The following FHOD3 variants were observed in gnomAD, a reference collection of about 807,000 sequenced individuals.
FHOD3 encodes the protein formin homology 2 domain containing 3.
FHOD3 carries 90 observed loss-of-function variants against 173.0 expected under a neutral mutation model. The ratio of observed to expected loss-of-function variants is 0.52; its 90% confidence interval spans 0.44 to 0.62. FHOD3 has a LOEUF of 0.62. Among genes scored for constraint, FHOD3 ranks in the 20% least tolerant of loss-of-function variants. The pLI is 0.00. For synonymous variants in FHOD3, 828 were observed against 823.0 expected, an observed-to-expected ratio of 1.01 and a Z score of -0.10; for missense variants, 1,945 against 2,034.7, an observed-to-expected ratio of 0.96 and a Z score of 0.85.
intron 5 of FHOD3, among the ~76,000 whole-genome samples, chr18:36,526,724 AT>A (rs1333616550): frequency 1.3e-5 from 2 of 152,228 alleles, no homozygotes; most frequent in Non-Finnish European, 2.9e-5. Context: ...TTTCTAAAAA[AT>A]AGAATCAGCT....
intron 10 of FHOD3, 111 bp downstream of exon 10, chr18:36,625,860 A>G (rs1599931949): frequency 1.1e-6 from 1 of 873,148 alleles, no homozygotes; most frequent in East Asian, 2.9e-5. Flanking sequence ...CCCACCCAGC[A>G]TTGCTCCCTA....
At chr18:36,389,695 A>G (rs2048203127) in intron 3 of FHOD3, among the ~76,000 whole-genome samples, 1 of 152,302 alleles carries the variant, frequency 6.6e-6, no homozygotes, top group East Asian at 1.9e-4. Flanking sequence ...AGGTGGGTGC[A>G]TCTCAAGGGA....
chr18:36,695,295 C>G (rs1275561246), intron 17 of FHOD3, among the ~76,000 whole-genome samples: 1 of 151,202 alleles, frequency 6.6e-6, no homozygotes, highest in Non-Finnish European at 1.5e-5. Flanking sequence ...TTGCAGTGAG[C>G]CAAGATTGTG....
At chr18:36,648,006 G>GA in intron 10 of FHOD3, among the ~76,000 whole-genome samples, 1 of 152,272 alleles carries the variant, frequency 6.6e-6, no homozygotes, top group Non-Finnish European at 1.5e-5. Flanking sequence ...GGTTAAAAAG[G>GA]AAAAAACAGC....
chr18:36,769,788 T>C (rs1201391197), intron 28 of FHOD3, among the ~76,000 whole-genome samples: 1 of 152,134 alleles, frequency 6.6e-6, no homozygotes, highest in Non-Finnish European at 1.5e-5. Flanking sequence ...TGCTGGAGGC[T>C]GTGTTTCTGC....
chr18:36,519,924 T>G, intron 5 of FHOD3, among the ~76,000 whole-genome samples: 1 of 152,060 alleles, frequency 6.6e-6, no homozygotes, highest in East Asian at 1.9e-4. Context: ...TCTGGGTAAC[T>G]TTAGTTTATG....
chr18:36,541,277 G>C (rs375371440), intron 5 of FHOD3, among the ~76,000 whole-genome samples: 68 of 140,556 alleles, frequency 4.8e-4, no homozygotes, highest in Non-Finnish European at 2.5e-4. Flanking sequence ...AAAAAAGAAA[G>C]AAAAAAGAAA....
chr18:36,490,060 A>G (rs1288738481), intron 3 of FHOD3, among the ~76,000 whole-genome samples: 3 of 152,228 alleles, frequency 2.0e-5, no homozygotes, highest in Non-Finnish European at 4.4e-5. Flanking sequence ...TTAGAGGAAC[A>G]GCATCACGGT....
chr18:36,642,878 G>T (rs1320816292), intron 10 of FHOD3, among the ~76,000 whole-genome samples: 1 of 151,220 alleles, frequency 6.6e-6, no homozygotes, highest in Non-Finnish European at 1.5e-5. Context: ...GTTTTATTGT[G>T]GGGGTTTTTT....
intron 14 of FHOD3, among the ~76,000 whole-genome samples, chr18:36,661,019 CAT>C (rs1213018911): frequency 2.0e-5 from 3 of 152,056 alleles, no homozygotes; most frequent in Non-Finnish European, 2.9e-5. Context: ...TCTGAAAAAA[CAT>C]ATGATGAATC....
At chr18:36,687,243 T>TAGCTG in intron 16 of FHOD3, 65 bp downstream of exon 16, 1 of 1,190,468 alleles carries the variant, frequency 8.4e-7, no homozygotes, top group African/African-American at 1.5e-5. Context: ...TAACCTAGCA[T>TAGCTG]GCAGAGAGAC....
intron 7 of FHOD3, among the ~76,000 whole-genome samples, chr18:36,596,957 G>C (rs975249686): frequency 1.3e-5 from 2 of 152,222 alleles, no homozygotes; most frequent in African/African-American, 4.8e-5. Context: ...TGTTTTGGCA[G>C]CTGGTAGGCA....
intron 1 of FHOD3, among the ~76,000 whole-genome samples, chr18:36,339,199 T>C (rs969327148): frequency 6.6e-6 from 1 of 152,166 alleles, no homozygotes; most frequent in African/African-American, 2.4e-5. Context: ...CTTTGAATGC[T>C]CCCAGGAGGT....
rs760692797 is a variant in FHOD3, at chr18:36,511,357, G to GTT, written c.406-1071_406-1070dup. On this transcript the variant is annotated intron_variant, in intron 4 of 28. Coordinates refer to ENST00000590592, the MANE Select transcript of FHOD3 (RefSeq NM_001281740.3). The stretch of plus-strand genomic sequence containing the variant: ...TGGCTAGTTAAATGATCTTGCCAAT[G>GTT]TTTTTTTTTTTCTTTTCTTTTCTTT... Among the ~76,000 whole-genome samples the GTT allele has an allele frequency of 2.0e-3, 283 of 143,550 alleles. 8 individuals carry two copies. Among genetic ancestry groups the GTT allele is most frequent in the Middle Eastern group, 0.011 (3 of 278 alleles). The allele number at this position is 143,550 out of a possible 152,430, so 94.2% of individuals were successfully genotyped here.
chr18:36,572,988 A>C (rs2058506347), intron 5 of FHOD3, among the ~76,000 whole-genome samples: 2 of 152,040 alleles, frequency 1.3e-5, no homozygotes, highest in South Asian at 4.2e-4. Context: ...ATGGGAAAAA[A>C]TAGGGCAGAA....
intron 20 of FHOD3, among the ~76,000 whole-genome samples, chr18:36,731,013 A>C (rs2041330978): frequency 6.6e-6 from 1 of 152,144 alleles, no homozygotes. Flanking sequence ...ACTCAGGTTC[A>C]TTTACCAGTC....
At chr18:36,493,706 A>G (rs1456247826) in intron 3 of FHOD3, among the ~76,000 whole-genome samples, 4 of 152,202 alleles carry the variant, frequency 2.6e-5, no homozygotes, top group Non-Finnish European at 4.4e-5. Flanking sequence ...CTGAAAAACC[A>G]TGATGGTTGT....
chr18:36,468,718 G>A (rs956186017), intron 3 of FHOD3, among the ~76,000 whole-genome samples: 1 of 152,168 alleles, frequency 6.6e-6, no homozygotes, highest in Admixed American at 6.5e-5. Flanking sequence ...GCAGAGCTCA[G>A]TCCAACCCCA....
intron 5 of FHOD3, among the ~76,000 whole-genome samples, chr18:36,528,866 C>T (rs142194050): frequency 6.6e-6 from 1 of 152,232 alleles, no homozygotes; most frequent in East Asian, 1.9e-4. Flanking sequence ...CTCACACGGG[C>T]TTCTGTGCTG....
Sources: gnomAD v4.1 joint callset for allele counts (sites outside exome capture counted in the v4.1 genomes callset) on GRCh38, gnomAD v4.1.1 for gene constraint, MANE v1.5 for transcripts, NCBI Gene and HGNC (gene_info 2026-07-23, HGNC 2026-07-21) for gene names.